The following FAM184B variants were observed in gnomAD, a reference collection of about 807,000 sequenced individuals.
The protein encoded by FAM184B is family with sequence similarity 184 member B, also known as protein FAM184B.
FAM184B carries 111 observed loss-of-function variants against 135.9 expected under a neutral mutation model. That is an observed-to-expected ratio of 0.82 (90% confidence interval 0.70 to 0.96). FAM184B has a LOEUF of 0.96. Among genes scored for constraint, FAM184B ranks in the 40% least tolerant of loss-of-function variants. The pLI, the probability that FAM184B is intolerant of heterozygous loss-of-function variation, is 0.00. For missense variants in FAM184B, 1,375 were observed against 1,323.9 expected, an observed-to-expected ratio of 1.04 and a Z score of -0.60; for synonymous variants, 552 against 524.8, an observed-to-expected ratio of 1.05 and a Z score of -0.71.
intron 1 of FAM184B, among the ~76,000 whole-genome samples, chr4:17,760,434 T>A: frequency 6.7e-6 from 1 of 148,732 alleles, no homozygotes; most frequent in East Asian, 2.0e-4. Flanking sequence ...CGCACCACTG[T>A]ACCCCAGCCT....
intron 5 of FAM184B, among the ~76,000 whole-genome samples, chr4:17,696,741 A>G (rs1323160767): frequency 6.6e-6 from 1 of 152,110 alleles, no homozygotes; most frequent in Non-Finnish European, 1.5e-5. Flanking sequence ...TTAGCCCAGG[A>G]GTTCGAGGCT....
chr4:17,772,718 C>T lies in FAM184B; in HGVS notation c.141+8441G>A, dbSNP rs1315736310. Among the ~76,000 whole-genome samples, 8 of 152,302 alleles carry T rather than the reference C, an allele frequency of 5.3e-5. No homozygotes were observed. In the East Asian group the frequency reaches 7.7e-4, roughly 15 times the overall value. On this transcript the variant is annotated intron_variant, in intron 1 of 17. Transcript: ENST00000265018. ...GTCTGTTTTGAGACCAAACTATCAC[C>T]GTTTTATCAACTAAAGTTAATACTG...
At chr4:17,729,876 A>T (rs1383201146) in intron 1 of FAM184B, among the ~76,000 whole-genome samples, 1 of 152,252 alleles carries the variant, frequency 6.6e-6, no homozygotes, top group African/African-American at 2.4e-5. Flanking sequence ...CTCCAAAGGA[A>T]TGCAGCTCCT....
At chr4:17,753,993 GATTTACAGTA>G (rs1004539769) in intron 1 of FAM184B, among the ~76,000 whole-genome samples, 1 of 152,130 alleles carries the variant, frequency 6.6e-6, no homozygotes, top group Non-Finnish European at 1.5e-5. Flanking sequence ...CTAAGGGCAG[GATTTACAGTA>G]AGTATGGCTC....
chr4:17,706,038 C>T (rs543577549), intron 3 of FAM184B, 147 bp from the exon 4 acceptor site: 32 of 1,038,772 alleles, frequency 3.1e-5, no homozygotes, highest in East Asian at 5.2e-5. Flanking sequence ...CTGCTGACCC[C>T]GAAGCATGGT....
At chr4:17,681,248 G>T (rs1423366843) in intron 7 of FAM184B, among the ~76,000 whole-genome samples, 2 of 152,176 alleles carry the variant, frequency 1.3e-5, no homozygotes, top group Admixed American at 6.5e-5. Context: ...TTTGTGGACT[G>T]TGTGAAGTCC....
At chr4:17,668,448 A>G (rs1348682999) in intron 7 of FAM184B, among the ~76,000 whole-genome samples, 2 of 152,142 alleles carry the variant, frequency 1.3e-5, no homozygotes, top group African/African-American at 4.8e-5. Context: ...AGCCTTCACA[A>G]TCTTTTTTGT....
At chr4:17,684,111 AAAATAATTAT>A (rs1381841727) in intron 7 of FAM184B, among the ~76,000 whole-genome samples, 12 of 41,482 alleles carry the variant, frequency 2.9e-4, no homozygotes, top group Admixed American at 8.1e-4. Flanking sequence ...ATTATAGTAT[AAAATAATTAT>A]ATATAAAATA....
At chr4:17,694,924 T>C (rs1290677611) in intron 5 of FAM184B, among the ~76,000 whole-genome samples, 2 of 152,070 alleles carry the variant, frequency 1.3e-5, no homozygotes, top group East Asian at 3.9e-4. Flanking sequence ...GAAAGTGACT[T>C]TAGAGTAAAA....
chr4:17,732,812 G>A (rs1365203957), intron 1 of FAM184B, among the ~76,000 whole-genome samples: 1 of 152,156 alleles, frequency 6.6e-6, no homozygotes, highest in Non-Finnish European at 1.5e-5. Flanking sequence ...TAGAAAAAGA[G>A]GGAATCCTCC....
chr4:17,642,360 C>T, intron 12 of FAM184B, 132 bp from the exon 13 acceptor site: 2 of 1,369,904 alleles, frequency 1.5e-6, no homozygotes, highest in Non-Finnish European at 1.9e-6. Flanking sequence ...TGGCAGGCTC[C>T]TGAGTTCCCT....
intron 1 of FAM184B, among the ~76,000 whole-genome samples, chr4:17,728,347 A>C (rs1484565437): frequency 6.6e-6 from 1 of 152,160 alleles, no homozygotes; most frequent in African/African-American, 2.4e-5. Flanking sequence ...TGATCATGCC[A>C]GTGCACTCCA....
In FAM184B at chr4:17,766,135, C is replaced by T. The variant is rs148891817; in HGVS notation, c.141+15024G>A. Among the ~76,000 whole-genome samples, 546 of 152,308 alleles carry T rather than the reference C, an allele frequency of 3.6e-3. 3 individuals carry two copies. The highest frequency in any genetic ancestry group is 0.012 in the African/African-American group (478 of 41,562). ...TGGGAAGGTAACCTAACCAGGTTGC[C>T]ATTGCTGGGTCAGGCAGCCTGCTTT... On this transcript the variant is annotated intron_variant, in intron 1 of 17. Transcript: ENST00000265018.
At chr4:17,634,866 A>G in intron 16 of FAM184B, 143 bp downstream of exon 16, 1 of 562,220 alleles carries the variant, frequency 1.8e-6, no homozygotes, top group South Asian at 2.6e-5. Flanking sequence ...CCGCCCAGCC[A>G]TAGATATAAA....
intron 1 of FAM184B, among the ~76,000 whole-genome samples, chr4:17,711,421 T>G (rs529679081): frequency 2.2e-4 from 33 of 152,032 alleles, no homozygotes; most frequent in Middle Eastern, 6.8e-3. Context: ...GAGGTTGTGG[T>G]GAGCAGAGAT....
chr4:17,695,702 G>A (rs1053435993), intron 5 of FAM184B, among the ~76,000 whole-genome samples: 13 of 152,064 alleles, frequency 8.5e-5, no homozygotes, highest in African/African-American at 2.9e-4. Context: ...GAATGGTGCC[G>A]CCATGAACTG....
chr4:17,693,560 G>T, intron 5 of FAM184B, 148 bp from the exon 6 acceptor site: 1 of 651,048 alleles, frequency 1.5e-6, no homozygotes, highest in Non-Finnish European at 2.6e-6. Flanking sequence ...TACACGAGAA[G>T]GTCAAAAGAA....
intron 1 of FAM184B, among the ~76,000 whole-genome samples, chr4:17,719,036 G>C (rs1332047053): frequency 6.6e-6 from 1 of 152,196 alleles, no homozygotes; most frequent in East Asian, 1.9e-4. Context: ...AACCCCTATA[G>C]ACACTATGTT....
At chr4:17,737,107 G>A (rs1038226578) in intron 1 of FAM184B, among the ~76,000 whole-genome samples, 1 of 151,630 alleles carries the variant, frequency 6.6e-6, no homozygotes, top group Non-Finnish European at 1.5e-5. Context: ...TCGTGCCATT[G>A]CACTCCAGCC....
Sources: gnomAD v4.1 joint callset for allele counts (sites outside exome capture counted in the v4.1 genomes callset) on GRCh38, gnomAD v4.1.1 for gene constraint, MANE v1.5 for transcripts, NCBI Gene and HGNC (gene_info 2026-07-23, HGNC 2026-07-21) for gene names.